PBX1: variants seen among roughly 807,000 people sequenced by gnomAD.
PBX1 encodes PBX homeobox 1.
Under a neutral mutation model 53.4 loss-of-function variants are expected in PBX1, and 6 were observed. The ratio of observed to expected loss-of-function variants is 0.11; its 90% CI spans 0.06 to 0.22. The LOEUF (loss-of-function observed/expected upper bound fraction) is 0.22. Ranked by LOEUF, PBX1 falls within the 10% of genes least tolerant of loss-of-function variation. The probability of loss-of-function intolerance (pLI) is 1.00; values close to 1 mark genes in which losing one functional copy is unlikely to be tolerated. For synonymous variants in PBX1, 204 were observed against 212.3 expected (o/e 0.96, Z 0.34); for missense variants, 251 against 551.4 (o/e 0.46, Z 5.46).
chr1:164,793,478 G>A (rs1489715700), intron 3 of PBX1, among the ~76,000 whole-genome samples: 3 of 152,132 alleles, frequency 2.0e-5, no homozygotes, highest in Non-Finnish European at 2.9e-5. Context: ...TTGGAGTCAC[G>A]GATGTGAAGG....
intron 2 of PBX1, among the ~76,000 whole-genome samples, chr1:164,699,279 A>C (rs953997771): frequency 6.6e-6 from 1 of 152,234 alleles, no homozygotes; most frequent in Non-Finnish European, 1.5e-5. Flanking sequence ...AAAATGATGA[A>C]AATACAAATA....
chr1:164,644,174 T>C (rs1469780576), intron 2 of PBX1, among the ~76,000 whole-genome samples: 1 of 152,202 alleles, frequency 6.6e-6, no homozygotes, highest in African/African-American at 2.4e-5. Flanking sequence ...CTTTCTGGTT[T>C]TCATTTCATA....
chr1:164,664,240 C>T (rs1660677141), intron 2 of PBX1, among the ~76,000 whole-genome samples: 1 of 152,220 alleles, frequency 6.6e-6, no homozygotes, highest in Non-Finnish European at 1.5e-5. Flanking sequence ...CTGACATTAA[C>T]CAGCAGGCGG....
intron 1 of PBX1, among the ~76,000 whole-genome samples, chr1:164,562,404 A>G (rs1402941125): frequency 6.6e-6 from 1 of 151,478 alleles, no homozygotes; most frequent in Non-Finnish European, 1.5e-5. Flanking sequence ...TGGTTCCATA[A>G]TAAAATAGAA....
At chr1:164,756,758 A>T (rs763589850) in intron 2 of PBX1, among the ~76,000 whole-genome samples, 2 of 152,262 alleles carry the variant, frequency 1.3e-5, no homozygotes, top group Non-Finnish European at 2.9e-5. Flanking sequence ...GGGTGTCCGT[A>T]TACATATGTG....
At chr1:164,861,006 AG>A (rs1403766102) in intron 2 of PBX1, among the ~76,000 whole-genome samples, 2 of 151,006 alleles carry the variant, frequency 1.3e-5, no homozygotes, top group East Asian at 3.9e-4. Context: ...GGAGGTGGAA[AG>A]GGCAAAAGAG....
At chr1:164,712,798 G>T (rs887004625) in intron 2 of PBX1, among the ~76,000 whole-genome samples, 7 of 152,182 alleles carry the variant, frequency 4.6e-5, no homozygotes, top group African/African-American at 1.4e-4. Context: ...CAGCGTCTCC[G>T]TGCAGTTGGA....
chr1:164,704,306 T>C (rs1272447783), intron 2 of PBX1, among the ~76,000 whole-genome samples: 2 of 152,190 alleles, frequency 1.3e-5, no homozygotes, highest in African/African-American at 4.8e-5. Flanking sequence ...ACTTTATTGC[T>C]CTAGCAGAAA....
chr1:164,806,718 G>A (rs1669372345), intron 4 of PBX1, among the ~76,000 whole-genome samples: 1 of 152,180 alleles, frequency 6.6e-6, no homozygotes, highest in African/African-American at 2.4e-5. Context: ...TGCCTCAGTA[G>A]TAGTGAAAAA....
Position 164,847,809 on chromosome 1 carries a change from C to T in PBX1, c.*1133C>T, listed in dbSNP as rs1012905821. The T allele has an allele frequency of 2.8e-5, 29 of 1,054,238 alleles. No individual in the cohort carries two copies. Among genetic ancestry groups the T allele is most frequent in the Non-Finnish European group, 3.3e-5 (29 of 872,458 alleles). The allele number at this position is 1,054,238 out of a possible 1,614,324, so 65.3% of individuals were successfully genotyped here. ...ATGTGTCTGGGGCTTCCAGGACCTG[C>T]AGGCCCACTAGCGTGCACTTACCAG... is the stretch of plus-strand genomic sequence containing the variant. On this transcript the variant is annotated 3_prime_UTR_variant, in exon 9 of 9. Transcript: ENST00000420696.
intron 2 of PBX1, among the ~76,000 whole-genome samples, chr1:164,608,551 A>G (rs1374753371): frequency 1.3e-5 from 2 of 152,256 alleles, no homozygotes; most frequent in Non-Finnish European, 2.9e-5. Context: ...TAATCCAGCA[A>G]GAGAGATAGG....
chr1:164,879,909 G>C (rs753305207), intron 2 of PBX1, among the ~76,000 whole-genome samples: 1 of 152,172 alleles, frequency 6.6e-6, no homozygotes, highest in Non-Finnish European at 1.5e-5. Flanking sequence ...TACGCTGGGG[G>C]TGCTCCTTTA....
At chr1:164,836,968 G>T (rs1005258237) in intron 8 of PBX1, among the ~76,000 whole-genome samples, 4 of 152,188 alleles carry the variant, frequency 2.6e-5, no homozygotes, top group Non-Finnish European at 5.9e-5. Context: ...ACTTGAATAT[G>T]CCAGTCTTTG....
At chr1:164,727,486 G>A (rs74950252) in intron 2 of PBX1, among the ~76,000 whole-genome samples, 1 of 152,204 alleles carries the variant, frequency 6.6e-6, no homozygotes, top group Non-Finnish European at 1.5e-5. Flanking sequence ...GTTCTTTGGG[G>A]TATGTCTTCT....
At chr1:164,725,132 GC>G (rs1380800035) in intron 2 of PBX1, among the ~76,000 whole-genome samples, 1 of 152,044 alleles carries the variant, frequency 6.6e-6, no homozygotes, top group Admixed American at 6.6e-5. Flanking sequence ...CAGTAGACTT[GC>G]AGGGAATGAG....
At chr1:164,774,556 C>T (rs965395709) in intron 2 of PBX1, 1 of 152,208 alleles carries the variant, frequency 6.6e-6, no homozygotes, top group African/African-American at 2.4e-5. Context: ...CTGTGTACTA[C>T]AGACAATGCT....
intron 2 of PBX1, among the ~76,000 whole-genome samples, chr1:164,763,732 T>C (rs901816245): frequency 1.3e-5 from 2 of 152,206 alleles, no homozygotes; most frequent in African/African-American, 4.8e-5. Context: ...TTGGGTGTAA[T>C]TGTACACATT....
chr1:164,876,748 G>A (rs1672522225), intron 2 of PBX1, among the ~76,000 whole-genome samples: 1 of 152,132 alleles, frequency 6.6e-6, no homozygotes, highest in African/African-American at 2.4e-5. Flanking sequence ...ATTCTGGAGT[G>A]AGATCTAGAA....
chr1:164,701,598 A>T (rs1479393531), intron 2 of PBX1, among the ~76,000 whole-genome samples: 1 of 152,152 alleles, frequency 6.6e-6, no homozygotes, highest in African/African-American at 2.4e-5. Flanking sequence ...ATTAGAAACT[A>T]CCTCTTCCTT....
Sources: allele counts gnomAD v4.1 joint callset (sites outside exome capture counted in the v4.1 genomes callset), GRCh38; gene constraint gnomAD v4.1.1; transcripts MANE v1.5; gene names NCBI Gene and HGNC (gene_info 2026-07-23, HGNC 2026-07-21).